DCAF10: variants seen among roughly 807,000 people sequenced by gnomAD.
DCAF10 encodes the protein DDB1- and CUL4-associated factor 10.
A neutral mutation model predicts 51.9 loss-of-function variants in DCAF10; 19 were observed. The ratio of observed to expected loss-of-function variants is 0.37; its 90% CI spans 0.26 to 0.54. The LOEUF is 0.54. Among genes scored for constraint, DCAF10 ranks in the 20% least tolerant of loss-of-function variants. The pLI is 0.87. For missense variants in DCAF10, 510 were observed against 730.6 expected, an observed-to-expected ratio of 0.70 and a Z score of 3.48; for synonymous variants, 291 against 297.1, an observed-to-expected ratio of 0.98 and a Z score of 0.21.
In DCAF10 at chr9:37,800,846, C is replaced by CG. The variant is rs887406091; in HGVS notation, c.-15dup. ...CGGCCGGCGGGGCAGTGGCCCGGAG[C>CG]GGGGGGCGGGGGCGTTGATCATGTT... On this transcript the variant is annotated 5_prime_UTR_variant, in exon 1 of 7. Transcript: ENST00000377724. 85 of 1,483,164 alleles carry CG rather than the reference C, an allele frequency of 5.7e-5. No individual in the cohort carries two copies. Among genetic ancestry groups the CG allele is most frequent in the African/African-American group, 1.5e-4 (11 of 71,352 alleles). 91.9% of individuals were successfully genotyped at this position (1,483,164 alleles called of 1,614,324 possible).
intron 1 of DCAF10, among the ~76,000 whole-genome samples, chr9:37,813,025 T>A (rs1310665492): frequency 1.3e-5 from 2 of 152,238 alleles, no homozygotes; most frequent in Non-Finnish European, 1.5e-5. Flanking sequence ...TGATGTTAGC[T>A]CTTTAGGTAT....
At chr9:37,819,671 C>T (rs530109877) in intron 2 of DCAF10, among the ~76,000 whole-genome samples, 34 of 152,298 alleles carry the variant, frequency 2.2e-4, no homozygotes, top group Middle Eastern at 3.4e-3. Context: ...TGAACCTCAG[C>T]CATGTATTAT....
chr9:37,839,722 T>C (rs1035890228), intron 2 of DCAF10, among the ~76,000 whole-genome samples: 2 of 152,160 alleles, frequency 1.3e-5, no homozygotes, highest in Non-Finnish European at 1.5e-5. Context: ...ACTTAGGGAG[T>C]TCCTGCTCAT....
chr9:37,835,782 A>G (rs553715638), intron 2 of DCAF10, among the ~76,000 whole-genome samples: 1 of 152,360 alleles, frequency 6.6e-6, no homozygotes, highest in East Asian at 1.9e-4. Context: ...AGGTAAATCT[A>G]TAAGGGAAAG....
intron 3 of DCAF10, 65 bp from the exon 4 acceptor site, chr9:37,854,715 T>A: frequency 1.4e-6 from 2 of 1,461,626 alleles, no homozygotes; most frequent in Non-Finnish European, 9.3e-7. Flanking sequence ...GCAAAAAATA[T>A]GATTATTACT....
intron 2 of DCAF10, among the ~76,000 whole-genome samples, chr9:37,828,961 G>T (rs1429812407): frequency 2.6e-5 from 4 of 152,114 alleles, no homozygotes; most frequent in Non-Finnish European, 4.4e-5. Flanking sequence ...GATACAAAAA[G>T]CATAAATCAT....
Position 37,861,053 on chromosome 9 carries a change from A to G in DCAF10, c.1312-87A>G. ...CTTGTAAAAATTCTGTGGCTTTGGC[A>G]ATCTGTTGAGCTTTTTAAAAATAAG... On this transcript the variant is annotated intron_variant, in intron 6 of 6. Transcript: ENST00000377724. This position sits in a 1 kb window ranked among gnomAD's most constrained non-coding sequence, Gnocchi z 4.9. 6.7e-7 allele frequency: 1 copy of G among 1,484,314 alleles called. No homozygotes were observed. Among genetic ancestry groups the G allele is most frequent in the Non-Finnish European group, 8.9e-7 (1 of 1,118,786 alleles). 91.9% of individuals were successfully genotyped at this position (1,484,314 alleles called of 1,614,324 possible).
chr9:37,806,421 C>T (rs1340660541), intron 1 of DCAF10, among the ~76,000 whole-genome samples: 3 of 152,160 alleles, frequency 2.0e-5, no homozygotes, highest in Non-Finnish European at 4.4e-5. Flanking sequence ...CTCACCCGTG[C>T]CTGGCAACCT....
chr9:37,852,211 C>CA (rs1830674445), intron 3 of DCAF10, among the ~76,000 whole-genome samples: 1 of 152,114 alleles, frequency 6.6e-6, no homozygotes, highest in Non-Finnish European at 1.5e-5. Flanking sequence ...CAAATAGTAA[C>CA]AATGGAAAAT....
At chr9:37,815,520 C>G (rs1564028049) in intron 1 of DCAF10, among the ~76,000 whole-genome samples, 1 of 152,142 alleles carries the variant, frequency 6.6e-6, no homozygotes, top group African/African-American at 2.4e-5. Flanking sequence ...TGGCACACGC[C>G]TGCAGTCCCA....
chr9:37,800,579 G>C (rs577153912), upstream of DCAF10: 1 of 1,535,948 alleles, frequency 6.5e-7, no homozygotes, highest in Non-Finnish European at 8.7e-7. Context: ...CGCGGCCACC[G>C]GTCACTGACA....
At position 37,866,388 on chromosome 9, in the gene DCAF10, A is replaced by G. The variant is rs1343275001; in HGVS notation, c.*4880A>G. The G allele has an allele frequency of 2.0e-5, 3 of 152,584 alleles. No individual in the cohort carries two copies. The highest frequency in any genetic ancestry group is 1.9e-4 in the East Asian group (1 of 5,206). 9.5% of individuals were successfully genotyped at this position (152,584 alleles called of 1,614,324 possible). ...AACACTTCATAAAATGTAAAGGGCT[A>G]TAACAAATATGTTATAAAGTGATTC... is the stretch of plus-strand genomic sequence containing the variant. On this transcript the variant is annotated 3_prime_UTR_variant, in exon 7 of 7. Coordinates refer to ENST00000377724, the MANE Select transcript of DCAF10 (RefSeq NM_024345.5).
intron 2 of DCAF10, among the ~76,000 whole-genome samples, chr9:37,832,879 TTTTTTG>T (rs151124776): frequency 0.043 from 6,554 of 152,142 alleles, 471 homozygotes; most frequent in African/African-American, 0.15. Context: ...TTGTTTTTTA[TTTTTTG>T]TTTTTGTTTT....
rs549798168 is a variant in DCAF10 at position 37,812,910 on chromosome 9, A to C, written c.540-6378A>C. Among the ~76,000 whole-genome samples the C allele has an allele frequency of 3.7e-3, 565 of 152,134 alleles. 2 individuals are homozygous for C. The highest frequency in any genetic ancestry group is 0.01 in the Middle Eastern group (3 of 294). ...ATTAAATTTATATATAATTATATCT[A>C]AAAAATTAAATATTAGGATGGGATA... On this transcript the variant is annotated intron_variant, in intron 1 of 6. Coordinates refer to ENST00000377724, the MANE Select transcript of DCAF10 (RefSeq NM_024345.5).
chr9:37,854,987 G>A lies in DCAF10; in HGVS notation c.1054+5G>A, dbSNP rs777928328. The A allele has an allele frequency of 1.9e-6, 3 of 1,590,152 alleles. No homozygotes were observed. The highest frequency in any genetic ancestry group is 2.2e-5 in the East Asian group (1 of 44,636). The stretch of plus-strand genomic sequence containing the variant: ...GAAGAACTACTTCAAGTTCAGGTAA[G>A]CTTTTCTTTTTTGGTCAAAAAGATT... On this transcript the variant is annotated splice_donor_5th_base_variant and intron_variant, in intron 4 of 6. Transcript: ENST00000377724.
chr9:37,859,708 A>G (rs186929215), intron 5 of DCAF10, among the ~76,000 whole-genome samples: 2 of 152,236 alleles, frequency 1.3e-5, no homozygotes, highest in African/African-American at 2.4e-5. Context: ...TTCATGTCAC[A>G]TAACTTTGGT....
In DCAF10 at chr9:37,859,952, G is replaced by A. The variant is rs1451381157; in HGVS notation, c.1166-96G>A. 42 of 1,421,462 alleles carry A rather than the reference G, an allele frequency of 3.0e-5. No homozygotes were observed. In the South Asian group the frequency reaches 3.9e-4, roughly 13 times the overall value. The allele number at this position is 1,421,462 out of a possible 1,614,324, so 88.1% of individuals were successfully genotyped here. A position where few individuals can be genotyped will look rare whatever the true frequency, so the allele number is the denominator to read the frequency against. On this transcript the variant is annotated intron_variant, in intron 5 of 6. Coordinates refer to ENST00000377724, the MANE Select transcript of DCAF10 (RefSeq NM_024345.5). ...CATAAGGGGCAGACTAAGGAATGAC[G>A]GCATGGGAGGTGGCTGCCAGAAATA...
At chr9:37,842,023 T>A in intron 2 of DCAF10, 66 bp from the exon 3 acceptor site, 1 of 1,492,756 alleles carries the variant, frequency 6.7e-7, no homozygotes, top group Non-Finnish European at 9.1e-7. Context: ...AGTGACTGTT[T>A]CTCAAATCAA....
At position 37,861,103 on chromosome 9, in the gene DCAF10, T is replaced by C; in HGVS notation, c.1312-37T>C. 6.4e-7 allele frequency: 1 copy of C among 1,571,996 alleles called. No individual in the cohort carries two copies. Among genetic ancestry groups the C allele is most frequent in the Non-Finnish European group, 8.7e-7 (1 of 1,154,508 alleles). On this transcript the variant is annotated intron_variant, in intron 6 of 6. Coordinates refer to ENST00000377724, the MANE Select transcript of DCAF10 (RefSeq NM_024345.5). This position sits in a 1 kb window ranked among gnomAD's most constrained non-coding sequence, Gnocchi z 4.9. The stretch of plus-strand genomic sequence containing the variant: ...GGAATATCTGTAGCACTATTTGGGC[T>C]CTGTAACCTTGGTTTGTCTCCCTTC...
Sources: gnomAD v4.1 joint callset for allele counts (sites outside exome capture counted in the v4.1 genomes callset) on GRCh38, gnomAD v4.1.1 for gene constraint, Gnocchi (gnomAD v3.1) non-coding constraint, MANE v1.5 for transcripts, NCBI Gene and HGNC (gene_info 2026-07-23, HGNC 2026-07-21) for gene names.